The following CORO7 variants were observed in gnomAD, a reference collection of about 807,000 sequenced individuals.
CORO7 encodes coronin-7.
A neutral mutation model predicts 126.6 loss-of-function variants in CORO7; 107 were observed. That is an observed-to-expected ratio of 0.85 (90% CI 0.72 to 0.99). CORO7 has a LOEUF of 0.99. Ranked by LOEUF, CORO7 falls within the 50% of genes least tolerant of loss-of-function variation. CORO7 has a pLI of 0.00. For missense variants in CORO7, 1,314 were observed against 1,255.8 expected (o/e 1.05, Z -0.70); for synonymous variants, 603 against 536.8 (o/e 1.12, Z -1.70).
rs374955047 is a variant in CORO7 at position 4,412,445 on chromosome 16, C to A, written c.158-15G>T. ...GCCCAGTACACCTGTTAAACAAACACGGGGACTCTGACTTCAGGCCCCACA... is the reference window on the plus strand; with the variant it reads ...GCCCAGTACACCTGTTAAACAAACAAGGGGACTCTGACTTCAGGCCCCACA... On this transcript the variant is annotated splice_polypyrimidine_tract_variant and intron_variant, in intron 2 of 27. Coordinates refer to ENST00000251166, the MANE Select transcript of CORO7 (RefSeq NM_024535.5). The A allele has an allele frequency of 6.2e-7, 1 of 1,614,028 alleles. No homozygotes were observed. Among genetic ancestry groups the A allele is most frequent in the Non-Finnish European group, 8.5e-7 (1 of 1,179,930 alleles).
intron 9 of CORO7, among the ~76,000 whole-genome samples, chr16:4,384,237 C>T (rs2055110989): frequency 6.6e-6 from 1 of 152,228 alleles, no homozygotes; most frequent in Admixed American, 6.5e-5. Flanking sequence ...CCTTGGGATG[C>T]CCCCTCAGCC....
chr16:4,405,561 G>A lies in CORO7; in HGVS notation c.494C>T (p.Ala165Val), dbSNP rs2055967469. 2 of 1,612,434 alleles carry A rather than the reference G, an allele frequency of 1.2e-6. No homozygotes were observed. Among genetic ancestry groups the A allele is most frequent in the Non-Finnish European group, 1.7e-6 (2 of 1,179,726 alleles). ...GCTCTGCACCAGGTCCCCATGGGCT[G>A]CCAGCTCTGCAGAGAAGCAGTCACA... The part of the protein sequence containing the change: ...AAKQQPLTEL[A>V]AHGDLVQSAV... The change falls in exon 6 of 28, where the codon GCA becomes GTA. Residue 165 changes from alanine (A) to valine (V), a missense_variant. Coordinates refer to ENST00000251166, the MANE Select transcript of CORO7 (RefSeq NM_024535.5).
chr16:4,407,721 G>A, intron 4 of CORO7, 37 bp from the exon 5 acceptor site: 1 of 1,526,048 alleles, frequency 6.6e-7, no homozygotes, highest in East Asian at 2.3e-5. Flanking sequence ...ACAGGGCTGA[G>A]GGCCTCACTG....
chr16:4,387,935 G>A (rs927832841), intron 9 of CORO7, 51 bp downstream of exon 9: 6 of 1,603,896 alleles, frequency 3.7e-6, no homozygotes, highest in South Asian at 3.3e-5. Context: ...CCTCACCTGC[G>A]GCGCCTTGGG....
intron 1 of CORO7, chr16:4,415,635 T>C (rs1020122768): frequency 2.3e-6 from 2 of 874,846 alleles, no homozygotes; most frequent in Admixed American, 6.2e-5. Flanking sequence ...CAGACTGCCC[T>C]GACTTGCTCT....
chr16:4,380,725 G>C, intron 9 of CORO7: 1 of 889,694 alleles, frequency 1.1e-6, no homozygotes, highest in Non-Finnish European at 1.6e-6. Context: ...CCTGGGTCGG[G>C]GCACTGGCGA....
chr16:4,411,980 G>A (rs1047603504), intron 3 of CORO7, among the ~76,000 whole-genome samples: 5 of 151,948 alleles, frequency 3.3e-5, no homozygotes, highest in African/African-American at 9.7e-5. Flanking sequence ...GGAGGGCCCC[G>A]AGCGGCTGGG....
chr16:4,389,303 TG>T (rs2055305070), intron 7 of CORO7, among the ~76,000 whole-genome samples: 1 of 152,040 alleles, frequency 6.6e-6, no homozygotes, highest in African/African-American at 2.4e-5. Context: ...GCTCACATGG[TG>T]GGTGGGGCCC....
Position 4,416,576 on chromosome 16 carries a change from G to A in CORO7, c.-58C>T. On this transcript the variant is annotated 5_prime_UTR_variant, in exon 1 of 28. Transcript: ENST00000251166. ...GGACCCCGGGCGTCGGGTCTCAGGT[G>A]CACGCTGAGCAACCGCGACTCCCGC... is the stretch of plus-strand genomic sequence containing the variant. 1 of 1,552,908 alleles carries A rather than the reference G, an allele frequency of 6.4e-7. No homozygotes were observed. Among genetic ancestry groups the A allele is most frequent in the Non-Finnish European group, 8.7e-7 (1 of 1,155,548 alleles).
chr16:4,398,017 G>T (rs2055663910), intron 6 of CORO7, among the ~76,000 whole-genome samples: 1 of 152,166 alleles, frequency 6.6e-6, no homozygotes, highest in African/African-American at 2.4e-5. Flanking sequence ...CTGGACTAAA[G>T]CAATCCTCCC....
intron 9 of CORO7, among the ~76,000 whole-genome samples, chr16:4,384,628 G>A (rs772282469): frequency 3.9e-5 from 6 of 152,230 alleles, no homozygotes; most frequent in Non-Finnish European, 8.8e-5. Context: ...TCAGTGCCGA[G>A]TCAGGCCCAG....
Position 4,381,248 on chromosome 16 carries a change from G to A in CORO7, c.785+6738C>T, listed in dbSNP as rs757096705. ...ACCAATGAGACCTTCCGTGGCCTGCGGCGCCTCGAGCGCCTCTACCTGGGC... is the reference window on the plus strand; with the variant it reads ...ACCAATGAGACCTTCCGTGGCCTGCAGCGCCTCGAGCGCCTCTACCTGGGC... On this transcript the variant is annotated intron_variant, in intron 9 of 27. Transcript: ENST00000251166. 1.3e-5 allele frequency: 21 copies of A among 1,611,630 alleles called. No individual in the cohort carries two copies. The East Asian group carries it at 1.6e-4, about 12-fold the overall frequency.
chr16:4,355,530 G>A lies in CORO7; in HGVS notation c.2686-158C>T, dbSNP rs889803970. The A allele has an allele frequency of 3.1e-5, 23 of 734,586 alleles. No homozygotes were observed. The Admixed American group carries it at 4.1e-4, about 13-fold the overall frequency. The allele number at this position is 734,586 out of a possible 1,614,324, so 45.5% of individuals were successfully genotyped here. A position where few individuals can be genotyped will look rare whatever the true frequency, so the allele number is the denominator to read the frequency against. On this transcript the variant is annotated intron_variant, in intron 26 of 27. Transcript: ENST00000251166. ...CCCAGGCTGGATGGAGTGCAGTGGC[G>A]CGATCTCGGCTCACTGCAAGCTCTG...
intron 9 of CORO7, chr16:4,381,807 C>T (rs368814568): frequency 4.4e-6 from 7 of 1,600,376 alleles, no homozygotes; most frequent in Non-Finnish European, 8.5e-7. Context: ...GCTGGTTTGG[C>T]CCCTGGGTGC....
intron 3 of CORO7, among the ~76,000 whole-genome samples, chr16:4,411,801 G>A (rs890117598): frequency 2.4e-4 from 36 of 152,052 alleles, no homozygotes; most frequent in Admixed American, 1.2e-3. Flanking sequence ...AGTGAGAGGC[G>A]AGGCCAGCTG....
At chr16:4,402,825 T>C (rs1333538810) in intron 6 of CORO7, among the ~76,000 whole-genome samples, 3 of 152,186 alleles carry the variant, frequency 2.0e-5, no homozygotes, top group Admixed American at 2.0e-4. Flanking sequence ...GAATGGGCCA[T>C]CCGTGAGGAG....
In CORO7 at chr16:4,408,204, C is replaced by G. The variant is rs766587948; in HGVS notation, c.280G>C (p.Ala94Pro). 1.9e-6 allele frequency: 3 copies of G among 1,614,166 alleles called. No homozygotes were observed. The East Asian group carries it at 6.7e-5, about 36-fold the overall frequency. ...DFSPFDDFLL[A>P]TGSADRTVKL... ...ACCGTCCTGTCAGCCGAGCCTGTGG[C>G]CAGGAGGAAGTCATCAAAGGGCGAG... The change falls in exon 4 of 28, where the codon GCC becomes CCC. Residue 94 changes from alanine to proline, a missense_variant. By Grantham distance (27) the Ala-to-Pro change is conservative. Transcript: ENST00000251166.
At chr16:4,387,876 A>T in intron 9 of CORO7, 110 bp downstream of exon 9, 2 of 1,399,814 alleles carry the variant, frequency 1.4e-6, no homozygotes, top group African/African-American at 1.4e-5. Flanking sequence ...CAGGTACCCC[A>T]GAACACCCCG....
chr16:4,390,873 G>A (rs2055362701), intron 7 of CORO7, among the ~76,000 whole-genome samples: 1 of 152,206 alleles, frequency 6.6e-6, no homozygotes, highest in East Asian at 1.9e-4. Flanking sequence ...GGGAGGAGGA[G>A]CCGCCCAGGA....
Sources: gnomAD v4.1 joint callset for allele counts (sites outside exome capture counted in the v4.1 genomes callset) on GRCh38, gnomAD v4.1.1 for gene constraint, MANE v1.5 for transcripts, NCBI Gene and HGNC (gene_info 2026-07-23, HGNC 2026-07-21) for gene names.